The following SH3D19 variants were observed in gnomAD, a reference collection of about 807,000 sequenced individuals.
The protein encoded by SH3D19 is SH3 domain-containing protein 19.
SH3D19 carries 58 observed loss-of-function variants against 112.1 expected under a neutral mutation model. The ratio of observed to expected loss-of-function variants is 0.52; its 90% CI spans 0.42 to 0.64. The LOEUF is 0.64. Ranked by LOEUF, SH3D19 falls within the 30% of genes least tolerant of loss-of-function variation. SH3D19 has a pLI of 0.00. For missense variants in SH3D19, 1,090 were observed against 1,263.4 expected (o/e 0.86, Z 2.08); for synonymous variants, 391 against 448.5 (o/e 0.87, Z 1.62).
At chr4:151,263,777 G>A (rs1401376108) in intron 1 of SH3D19, among the ~76,000 whole-genome samples, 1 of 145,746 alleles carries the variant, frequency 6.9e-6, no homozygotes, top group Non-Finnish European at 1.5e-5. Context: ...CACCCAAAAT[G>A]GAAGCTACAG....
chr4:151,314,354 A>C (rs1729785595), intron 1 of SH3D19, among the ~76,000 whole-genome samples: 1 of 152,220 alleles, frequency 6.6e-6, no homozygotes, highest in Non-Finnish European at 1.5e-5. Context: ...AAGGATGGCC[A>C]CAACCACTTC....
At chr4:151,178,709 T>C (rs1029346098) in intron 4 of SH3D19, among the ~76,000 whole-genome samples, 48 of 152,170 alleles carry the variant, frequency 3.2e-4, no homozygotes, top group African/African-American at 1.1e-3. Flanking sequence ...TTCATTATTC[T>C]ATACTATACT....
At chr4:151,321,115 C>T (rs181860157) in intron 1 of SH3D19, among the ~76,000 whole-genome samples, 260 of 152,292 alleles carry the variant, frequency 1.7e-3, no homozygotes, top group African/African-American at 5.8e-3. Context: ...GTGAAAAAAG[C>T]ACCTGGACTA....
intron 1 of SH3D19, chr4:151,291,504 A>ATGATT: frequency 7.6e-7 from 1 of 1,315,930 alleles, no homozygotes; most frequent in Non-Finnish European, 1.0e-6. Context: ...ACAATTTGAA[A>ATGATT]TGATTTTGTT....
At chr4:151,232,302 G>A (rs578127754) in intron 1 of SH3D19, among the ~76,000 whole-genome samples, 41 of 152,256 alleles carry the variant, frequency 2.7e-4, no homozygotes, top group African/African-American at 9.1e-4. Context: ...GGACTCTTAT[G>A]TCCTGACTGG....
At chr4:151,264,409 C>T (rs561952268) in intron 1 of SH3D19, among the ~76,000 whole-genome samples, 33 of 111,632 alleles carry the variant, frequency 3.0e-4, no homozygotes, top group Admixed American at 1.9e-3. Context: ...GCCTGGGCAA[C>T]AGAGTGAGAC....
chr4:151,255,245 G>T (rs1397023616), intron 1 of SH3D19, among the ~76,000 whole-genome samples: 2 of 150,680 alleles, frequency 1.3e-5, no homozygotes, highest in Non-Finnish European at 3.0e-5. Flanking sequence ...CGGCTGCCGG[G>T]CGGAGGGGCT....
intron 1 of SH3D19, among the ~76,000 whole-genome samples, chr4:151,322,623 A>G (rs1730664069): frequency 6.6e-6 from 1 of 152,172 alleles, no homozygotes; most frequent in Non-Finnish European, 1.5e-5. Flanking sequence ...CACCAGATCA[A>G]CTATCATCCT....
chr4:151,163,875 G>A (rs1286885520), intron 8 of SH3D19, among the ~76,000 whole-genome samples: 1 of 152,130 alleles, frequency 6.6e-6, no homozygotes, highest in Non-Finnish European at 1.5e-5. Context: ...GAGCCACCAT[G>A]GCTGGCCTAC....
chr4:151,178,901 T>C (rs912382784), intron 4 of SH3D19, among the ~76,000 whole-genome samples: 16 of 152,164 alleles, frequency 1.1e-4, no homozygotes, highest in African/African-American at 3.6e-4. Context: ...ATATTATCTT[T>C]CCTCCCTTCT....
chr4:151,258,203 G>A (rs1772089624), intron 1 of SH3D19, among the ~76,000 whole-genome samples: 1 of 152,152 alleles, frequency 6.6e-6, no homozygotes, highest in Non-Finnish European at 1.5e-5. Context: ...ACACAACGCA[G>A]ACCTAATACA....
intron 9 of SH3D19, among the ~76,000 whole-genome samples, chr4:151,155,481 G>A (rs1180237238): frequency 6.6e-6 from 1 of 152,096 alleles, no homozygotes; most frequent in Non-Finnish European, 1.5e-5. Context: ...CATAGTTAAT[G>A]CACAATGTAA....
chr4:151,161,562 T>A (rs1449123363), intron 8 of SH3D19, among the ~76,000 whole-genome samples: 5 of 151,520 alleles, frequency 3.3e-5, no homozygotes, highest in Admixed American at 3.3e-4. Context: ...TCTTTGGGTA[T>A]AAATTACCTG....
intron 1 of SH3D19, chr4:151,280,101 A>G: frequency 1.0e-6 from 1 of 965,484 alleles, no homozygotes; most frequent in Non-Finnish European, 1.6e-6. Flanking sequence ...ATCAAACCCG[A>G]AACAACTAGA....
chr4:151,263,958 C>T (rs914854536), intron 1 of SH3D19, among the ~76,000 whole-genome samples: 1 of 152,118 alleles, frequency 6.6e-6, no homozygotes, highest in African/African-American at 2.4e-5. Context: ...AGGTACACAC[C>T]ACCACTCTGA....
intron 1 of SH3D19, among the ~76,000 whole-genome samples, chr4:151,286,894 C>T (rs764904052): frequency 9.9e-5 from 15 of 151,550 alleles, no homozygotes; most frequent in Admixed American, 1.3e-4. Flanking sequence ...GCATGAGAAT[C>T]ACTTGAATCT....
chr4:151,321,836 T>A (rs1288736263), intron 1 of SH3D19, among the ~76,000 whole-genome samples: 1 of 152,192 alleles, frequency 6.6e-6, no homozygotes, highest in Non-Finnish European at 1.5e-5. Context: ...GCAATTCAGA[T>A]ACATGTGGCA....
chr4:151,268,216 C>T (rs11733473), intron 1 of SH3D19, among the ~76,000 whole-genome samples: 4 of 151,904 alleles, frequency 2.6e-5, no homozygotes, highest in East Asian at 1.9e-4. Flanking sequence ...CACAATGGGA[C>T]GTATTTATGT....
chr4:151,138,686 TCACACACACACACACA>T (rs1177218801), intron 13 of SH3D19, among the ~76,000 whole-genome samples: 1 of 54,104 alleles, frequency 1.8e-5, no homozygotes, highest in African/African-American at 5.1e-5. Context: ...AGATCTTGTC[TCACACACACACACACA>T]CACACACACA....
Sources: gnomAD v4.1 joint callset for allele counts (sites outside exome capture counted in the v4.1 genomes callset) on GRCh38, gnomAD v4.1.1 for gene constraint, MANE v1.5 for transcripts, NCBI Gene and HGNC (gene_info 2026-07-23, HGNC 2026-07-21) for gene names.